The following HUNK variants were observed in gnomAD, a reference collection of about 807,000 sequenced individuals.
HUNK encodes the protein hormonally up-regulated Neu-associated kinase.
HUNK carries 21 observed loss-of-function variants against 61.0 expected under a neutral mutation model. The observed-to-expected ratio is 0.34, with a 90% confidence interval of 0.24 to 0.50. The LOEUF is 0.50. Among genes scored for constraint, HUNK ranks in the 20% least tolerant of loss-of-function variants. The probability of loss-of-function intolerance (pLI) is 0.98; values close to 1 mark genes in which losing one functional copy is unlikely to be tolerated. For synonymous variants in HUNK, 371 were observed against 386.1 expected (o/e 0.96, Z 0.46); for missense variants, 772 against 945.7 (o/e 0.82, Z 2.41).
chr21:31,974,572 T>G lies in HUNK; in HGVS notation c.1028T>G (p.Leu343Arg). ...TYPNRISLEDLSPSVVLHMTE... is the reference protein window; with the variant it reads ...TYPNRISLEDRSPSVVLHMTE... ...CCTCGCAGGATTTCTCTGGAAGATC[T>G]GAGCCCGAGCGTCGTGCTGCACATG... The change falls in exon 7 of 11, where the codon CTG becomes CGG. Residue 343 changes from leucine to arginine, a missense_variant. Around this residue, in one of 2 missense-constraint regions of HUNK, gnomAD observed 359 missense variants for 501.3 expected, o/e 0.72. Transcript: ENST00000270112. The G allele has an allele frequency of 6.2e-7, 1 of 1,613,550 alleles. No homozygotes were observed.
At chr21:31,917,758 C>CACA (rs2052595639) in intron 1 of HUNK, among the ~76,000 whole-genome samples, 3 of 107,728 alleles carry the variant, frequency 2.8e-5, no homozygotes, top group African/African-American at 1.0e-4. Flanking sequence ...ACACACACAC[C>CACA]CCTGGACTGA....
chr21:31,929,247 GTT>G (rs879869118), intron 2 of HUNK, among the ~76,000 whole-genome samples: 1 of 115,624 alleles, frequency 8.6e-6, no homozygotes, highest in Admixed American at 8.5e-5. Context: ...AGTAGGTTTT[GTT>G]TTTTTTTTTT....
At position 31,983,633 on chromosome 21, in the gene HUNK, T is replaced by C. The variant is rs200634478; in HGVS notation, c.1257+24T>C. 1.9e-5 allele frequency: 29 copies of C among 1,527,896 alleles called. No individual in the cohort carries two copies. In the Admixed American group the frequency reaches 2.6e-4, roughly 13 times the overall value. The allele number at this position is 1,527,896 out of a possible 1,614,324, so 94.6% of individuals were successfully genotyped here. On this transcript the variant is annotated intron_variant, in intron 8 of 10. Transcript: ENST00000270112. Reference sequence around the variant, plus strand: ...AGGTGAGTGACCCCTGAAGCAAACCTCAGGGTCTCTTAGGAAGGGTGGATT... The same window carrying C: ...AGGTGAGTGACCCCTGAAGCAAACCCCAGGGTCTCTTAGGAAGGGTGGATT...
intron 7 of HUNK, among the ~76,000 whole-genome samples, chr21:31,982,762 GTGTT>G (rs1337378906): frequency 2.0e-5 from 3 of 148,810 alleles, no homozygotes; most frequent in African/African-American, 4.9e-5. Flanking sequence ...GTGTACATGT[GTGTT>G]TGTGTGTGTG....
At chr21:31,879,512 A>T (rs941319113) in intron 1 of HUNK, among the ~76,000 whole-genome samples, 6 of 152,200 alleles carry the variant, frequency 3.9e-5, no homozygotes, top group Admixed American at 6.5e-5. Context: ...ACGGACTTCA[A>T]AGGGTGCTTT....
At chr21:31,928,257 A>G (rs1340843775) in intron 2 of HUNK, among the ~76,000 whole-genome samples, 2 of 152,148 alleles carry the variant, frequency 1.3e-5, no homozygotes, top group Non-Finnish European at 2.9e-5. Context: ...TTGTGCTGTC[A>G]AAAAGAGGAT....
At chr21:31,966,292 G>GTA (rs938407346) in intron 5 of HUNK, among the ~76,000 whole-genome samples, 27 of 152,090 alleles carry the variant, frequency 1.8e-4, no homozygotes, top group South Asian at 2.1e-4. Flanking sequence ...TATATGACAT[G>GTA]TATATATATA....
chr21:31,949,575 G>GCACACACACACA (rs148673553), intron 4 of HUNK, among the ~76,000 whole-genome samples: 2 of 150,504 alleles, frequency 1.3e-5, no homozygotes, highest in African/African-American at 4.9e-5. Context: ...AAGAATTTGT[G>GCACACACACACA]CACACACACA....
intron 2 of HUNK, among the ~76,000 whole-genome samples, chr21:31,937,954 T>C (rs2052742908): frequency 6.6e-6 from 1 of 152,176 alleles, no homozygotes; most frequent in Non-Finnish European, 1.5e-5. Flanking sequence ...GAAGGGAAAG[T>C]ATGTAATTCT....
rs377376954 is a variant in HUNK at position 31,903,766 on chromosome 21, G to T, written c.262-20702G>T. ...GTGATCACAGTTTCAAAAGGACTGT[G>T]CTATTTCTGCATGTTCACAAGATGA... On this transcript the variant is annotated intron_variant, in intron 1 of 10. Transcript: ENST00000270112. Among the ~76,000 whole-genome samples the T allele has an allele frequency of 3.9e-5, 6 of 152,340 alleles. No individual in the cohort carries two copies. The East Asian group carries it at 1.2e-3, about 29-fold the overall frequency.
chr21:31,955,545 C>T (rs1376884375), intron 4 of HUNK, among the ~76,000 whole-genome samples: 3 of 152,106 alleles, frequency 2.0e-5, no homozygotes, highest in African/African-American at 7.2e-5. Context: ...GAGCCGAGAT[C>T]GCGCCACTCT....
In HUNK at chr21:31,873,446, G is replaced by C. The variant is rs1320914341; in HGVS notation, c.-229G>C. The stretch of plus-strand genomic sequence containing the variant: ...GCGACCCTAAGAGGAAGAACTTTTG[G>C]GGGCGGGGTCCCCGGTCCCGCGTCC... On this transcript the variant is annotated 5_prime_UTR_variant, in exon 1 of 11. Transcript: ENST00000270112. The surrounding 1 kb of genome is among the most constrained non-coding windows in gnomAD (Gnocchi z 6.1). The C allele has an allele frequency of 6.0e-5, 10 of 166,626 alleles. No individual in the cohort carries two copies. The Admixed American group carries it at 6.6e-4, about 11-fold the overall frequency. 10.3% of individuals were successfully genotyped at this position (166,626 alleles called of 1,614,324 possible). A position where few individuals can be genotyped will look rare whatever the true frequency, so the allele number is the denominator to read the frequency against.
intron 7 of HUNK, among the ~76,000 whole-genome samples, chr21:31,982,099 G>T (rs1179539388): frequency 6.6e-6 from 1 of 152,098 alleles, no homozygotes; most frequent in East Asian, 1.9e-4. Flanking sequence ...TGGCTAGGAC[G>T]TGCAGTACTA....
rs996675997 is a variant in HUNK, at chr21:31,947,855, A to G, written c.746+1684A>G. ...TGAGGTTCTGATTAAGATATAGACG[A>G]GAAAGACTCGTTTGCGTGAAGGGTG... On this transcript the variant is annotated intron_variant, in intron 4 of 10. Transcript: ENST00000270112. Among the ~76,000 whole-genome samples, 55 of 152,186 alleles carry G rather than the reference A, an allele frequency of 3.6e-4. 1 individual carries two copies. The highest frequency in any genetic ancestry group is 4.4e-5 in the Non-Finnish European group (3 of 68,028).
intron 2 of HUNK, among the ~76,000 whole-genome samples, chr21:31,934,983 T>C (rs1265111300): frequency 6.6e-6 from 1 of 152,186 alleles, no homozygotes; most frequent in Non-Finnish European, 1.5e-5. Context: ...GTAGAATGAT[T>C]GATTTTCACC....
At chr21:31,930,887 A>G (rs1306987478) in intron 2 of HUNK, among the ~76,000 whole-genome samples, 2 of 152,104 alleles carry the variant, frequency 1.3e-5, no homozygotes, top group Admixed American at 6.5e-5. Flanking sequence ...TCAGTTTTAT[A>G]AACAGAATTT....
At chr21:31,933,365 C>G (rs1052015494) in intron 2 of HUNK, among the ~76,000 whole-genome samples, 1 of 152,150 alleles carries the variant, frequency 6.6e-6, no homozygotes, top group Non-Finnish European at 1.5e-5. Flanking sequence ...AAAGTTAACA[C>G]TGGGCCAGGT....
At chr21:31,902,562 T>C (rs1173600750) in intron 1 of HUNK, among the ~76,000 whole-genome samples, 1 of 152,072 alleles carries the variant, frequency 6.6e-6, no homozygotes, top group Non-Finnish European at 1.5e-5. Context: ...ACATGAAGCA[T>C]GTATAGTGTT....
intron 1 of HUNK, among the ~76,000 whole-genome samples, chr21:31,917,735 CA>C (rs1236993164): frequency 8.0e-5 from 12 of 149,208 alleles, no homozygotes; most frequent in Non-Finnish European, 1.2e-4. Flanking sequence ...CACACACACA[CA>C]CACACACACA....
Sources: allele counts gnomAD v4.1 joint callset (sites outside exome capture counted in the v4.1 genomes callset), GRCh38; gene constraint gnomAD v4.1.1; regional missense constraint gnomAD v4.1.1; non-coding constraint Gnocchi (gnomAD v3.1); transcripts MANE v1.5; gene names NCBI Gene and HGNC (gene_info 2026-07-23, HGNC 2026-07-21).